Variants in COL8A1 observed in about 807,000 individuals in gnomAD.
The protein encoded by COL8A1 is collagen type VIII alpha 1 chain.
Under a neutral mutation model 42.7 loss-of-function variants are expected in COL8A1, and 21 were observed. That is an observed-to-expected ratio of 0.49 (90% CI 0.35 to 0.71). COL8A1 has a LOEUF of 0.71. Among genes scored for constraint, COL8A1 ranks in the 30% least tolerant of loss-of-function variants. The pLI is 0.01. For synonymous variants in COL8A1, 367 were observed against 369.1 expected (o/e 0.99, Z 0.06); for missense variants, 788 against 962.4 (o/e 0.82, Z 2.40).
At chr3:99,684,628 T>C (rs1938993269) in intron 1 of COL8A1, among the ~76,000 whole-genome samples, 1 of 152,232 alleles carries the variant, frequency 6.6e-6, no homozygotes, top group Non-Finnish European at 1.5e-5. Context: ...CCCATTGCTA[T>C]TTGTGAATTG....
At chr3:99,762,732 C>T (rs972110541) in intron 2 of COL8A1, among the ~76,000 whole-genome samples, 4 of 152,224 alleles carry the variant, frequency 2.6e-5, no homozygotes, top group South Asian at 2.1e-4. Context: ...CCTGTGCAGA[C>T]ACTGGAAAGG....
chr3:99,736,779 G>A (rs888458207), intron 1 of COL8A1, among the ~76,000 whole-genome samples: 1 of 150,928 alleles, frequency 6.6e-6, no homozygotes, highest in African/African-American at 2.4e-5. Flanking sequence ...TCAATTCCTG[G>A]GTATCCTTGT....
At chr3:99,722,618 C>T (rs1940188053) in intron 1 of COL8A1, among the ~76,000 whole-genome samples, 1 of 152,138 alleles carries the variant, frequency 6.6e-6, no homozygotes, top group South Asian at 2.1e-4. Context: ...ATACTTAGAA[C>T]ATATTCATAG....
Position 99,738,922 on chromosome 3 carries a change from C to G in COL8A1, c.-128-5975C>G, listed in dbSNP as rs540854218. 2.6e-5 allele frequency among the ~76,000 whole-genome samples: 4 copies of G among 152,348 alleles called. No individual in the cohort carries two copies. In the Middle Eastern group the frequency reaches 0.01, roughly 389 times the overall value. On this transcript the variant is annotated intron_variant, in intron 1 of 3. Transcript: ENST00000652472. ...CTGAGCCAGATGTGGGATATAATCT[C>G]TTGGTGCGCCGTTTTTTAAGCCCGT...
intron 1 of COL8A1, among the ~76,000 whole-genome samples, chr3:99,730,892 G>C (rs2107383606): frequency 6.6e-6 from 1 of 152,136 alleles, no homozygotes; most frequent in Middle Eastern, 3.4e-3. Context: ...AACCATTAAA[G>C]TCTTTTAAAA....
chr3:99,695,349 T>C (rs2107339536), intron 1 of COL8A1, among the ~76,000 whole-genome samples: 1 of 152,306 alleles, frequency 6.6e-6, no homozygotes, highest in Middle Eastern at 3.4e-3. Context: ...TTAAACAATT[T>C]AAAAGCCATT....
At chr3:99,779,560 C>T (rs1386588344) in intron 2 of COL8A1, among the ~76,000 whole-genome samples, 1 of 152,164 alleles carries the variant, frequency 6.6e-6, no homozygotes, top group African/African-American at 2.4e-5. Context: ...CTCAGAGTGG[C>T]CAGTTTTCTG....
intron 1 of COL8A1, among the ~76,000 whole-genome samples, chr3:99,640,760 C>A (rs1576408488): frequency 6.6e-6 from 1 of 152,308 alleles, no homozygotes; most frequent in Admixed American, 6.5e-5. Flanking sequence ...CACTGCTCTT[C>A]TTAAGCTTTT....
At position 99,777,275 on chromosome 3, in the gene COL8A1, G is replaced by A. The variant is rs532337739; in HGVS notation, c.-3-13405G>A. ...TCCTCAATACCCAGATTCTATTACC[G>A]TTTTACAGCAGAGAAGCCAGAAACC... On this transcript the variant is annotated intron_variant, in intron 2 of 3. Coordinates refer to ENST00000652472, the MANE Select transcript of COL8A1 (RefSeq NM_020351.4). Among the ~76,000 whole-genome samples, 5 of 152,214 alleles carry A rather than the reference G, an allele frequency of 3.3e-5. No individual in the cohort carries two copies. The East Asian group carries it at 5.8e-4, about 18-fold the overall frequency.
At chr3:99,726,025 T>C (rs1310218227) in intron 1 of COL8A1, among the ~76,000 whole-genome samples, 5 of 152,130 alleles carry the variant, frequency 3.3e-5, no homozygotes, top group East Asian at 3.9e-4. Context: ...GTTTACAGTC[T>C]CACCAGCAAT....
chr3:99,789,470 C>T (rs1275282894), intron 2 of COL8A1, among the ~76,000 whole-genome samples: 2 of 152,116 alleles, frequency 1.3e-5, no homozygotes, highest in South Asian at 2.1e-4. Flanking sequence ...GCATGGAGTT[C>T]GTGTATGCCC....
chr3:99,796,215 C>T lies in COL8A1; in HGVS notation c.*79C>T. ...CACACCAAAAAATCCAAATGAAAAACATAATTGCTTCAAAACACTTACACA... is the reference window on the plus strand; with the variant it reads ...CACACCAAAAAATCCAAATGAAAAATATAATTGCTTCAAAACACTTACACA... On this transcript the variant is annotated 3_prime_UTR_variant, in exon 4 of 4. Transcript: ENST00000652472. The T allele has an allele frequency of 3.4e-6, 4 of 1,176,638 alleles. No homozygotes were observed. In the South Asian group the frequency reaches 5.7e-5, roughly 17 times the overall value. The allele number at this position is 1,176,638 out of a possible 1,614,324, so 72.9% of individuals were successfully genotyped here.
At chr3:99,638,725 C>A (rs1301967635) in intron 1 of COL8A1, 61 bp downstream of exon 1, 1 of 152,154 alleles carries the variant, frequency 6.6e-6, no homozygotes, top group Admixed American at 6.5e-5. Context: ...GAATAAGTCA[C>A]CCTCTGGCCA....
rs1942094022 is a variant in COL8A1, at chr3:99,795,747, C to T, written c.1846C>T (p.Pro616Ser). Residue 616 changes from proline (P) to serine (S), a missense_variant, in exon 4 of 4, where the codon CCT becomes TCT. Transcript: ENST00000652472. Reference protein sequence around the residue: ...GKNGGPAYEMPAFTAELTAPF... With the variant: ...GKNGGPAYEMSAFTAELTAPF... ...GAATGGAGGGCCAGCCTATGAGATGCCTGCATTTACCGCCGAGCTAACCGC... is the reference window on the plus strand; with the variant it reads ...GAATGGAGGGCCAGCCTATGAGATGTCTGCATTTACCGCCGAGCTAACCGC... 6.2e-7 allele frequency: 1 copy of T among 1,613,972 alleles called. No individual in the cohort carries two copies. The highest frequency in any genetic ancestry group is 8.5e-7 in the Non-Finnish European group (1 of 1,180,000).
chr3:99,794,347 C>G lies in COL8A1; in HGVS notation c.446C>G (p.Pro149Arg). 1 of 1,613,856 alleles carries G rather than the reference C, an allele frequency of 6.2e-7. No individual in the cohort carries two copies. Among genetic ancestry groups the G allele is most frequent in the Non-Finnish European group, 8.5e-7 (1 of 1,179,912 alleles). Residue 149 changes from proline (P) to arginine (R), a missense_variant, in exon 4 of 4, where the codon CCA becomes CGA. This residue lies in a region of COL8A1 where 421 missense variants were observed against 553.1 expected (regional missense o/e 0.76). Coordinates refer to ENST00000652472, the MANE Select transcript of COL8A1 (RefSeq NM_020351.4). The surrounding 1 kb of genome is among the most constrained non-coding windows in gnomAD (Gnocchi z 4.3). ...GHGIPGIKGKPGPQGYPGVGK... is the reference protein window; with the variant it reads ...GHGIPGIKGKRGPQGYPGVGK... ...GGGATACCTGGAATTAAAGGAAAAC[C>G]AGGGCCACAGGGATATCCAGGAGTT...
intron 1 of COL8A1, among the ~76,000 whole-genome samples, chr3:99,667,719 G>A (rs1210219546): frequency 6.6e-6 from 1 of 152,162 alleles, no homozygotes; most frequent in Non-Finnish European, 1.5e-5. Flanking sequence ...TAGTGTTTCA[G>A]TGGTTGTCTG....
chr3:99,785,320 T>C (rs1192498333), intron 2 of COL8A1, among the ~76,000 whole-genome samples: 1 of 152,200 alleles, frequency 6.6e-6, no homozygotes, highest in Non-Finnish European at 1.5e-5. Context: ...CTAAGACTTT[T>C]GATGATGAGG....
Position 99,770,690 on chromosome 3 carries a change from A to T in COL8A1, c.-3-19990A>T, listed in dbSNP as rs572431912. Among the ~76,000 whole-genome samples the T allele has an allele frequency of 1.1e-3, 168 of 152,340 alleles. 1 individual carries two copies. Among genetic ancestry groups the T allele is most frequent in the African/African-American group, 3.8e-3 (157 of 41,572 alleles). On this transcript the variant is annotated intron_variant, in intron 2 of 3. Coordinates refer to ENST00000652472, the MANE Select transcript of COL8A1 (RefSeq NM_020351.4). ...AATCATACTCAAAGGACAGTGATTA[A>T]CATCCATGGTGTCATCCATTCAATC...
intron 1 of COL8A1, among the ~76,000 whole-genome samples, chr3:99,687,026 A>G (rs958144414): frequency 6.6e-6 from 1 of 151,990 alleles, no homozygotes. Flanking sequence ...TGTTTTTTAT[A>G]GAGTAGGGAG....
Sources: allele counts gnomAD v4.1 joint callset (sites outside exome capture counted in the v4.1 genomes callset), GRCh38; gene constraint gnomAD v4.1.1; regional missense constraint gnomAD v4.1.1; non-coding constraint Gnocchi (gnomAD v3.1); transcripts MANE v1.5; gene names NCBI Gene and HGNC (gene_info 2026-07-23, HGNC 2026-07-21).